Variants in IQCM observed in about 807,000 individuals in gnomAD.
The protein encoded by IQCM is IQ domain-containing protein M.
IQCM carries 45 observed loss-of-function variants against 57.6 expected under a neutral mutation model. That is an observed-to-expected ratio of 0.78 (90% CI 0.62 to 1.00). The LOEUF (loss-of-function observed/expected upper bound fraction) is 1.00. IQCM is among the 50% of genes least tolerant of loss of function. The probability of loss-of-function intolerance (pLI) is 0.00; values close to 1 mark genes in which losing one functional copy is unlikely to be tolerated. For synonymous variants in IQCM, 148 were observed against 158.9 expected, an observed-to-expected ratio of 0.93 and a Z score of 0.51; for missense variants, 468 against 511.6, an observed-to-expected ratio of 0.91 and a Z score of 0.82.
chr4:149,405,091 G>A (rs948278470), intron 13 of IQCM, among the ~76,000 whole-genome samples: 1 of 151,710 alleles, frequency 6.6e-6, no homozygotes. Context: ...TCTCCTGTCT[G>A]GTAAATTTTC....
chr4:149,579,525 C>G (rs577084872), intron 9 of IQCM, among the ~76,000 whole-genome samples: 1 of 151,842 alleles, frequency 6.6e-6, no homozygotes, highest in Non-Finnish European at 1.5e-5. Context: ...TCTGATGCCT[C>G]GTGACTAATG....
chr4:149,499,058 G>A (rs1330595894), intron 12 of IQCM, among the ~76,000 whole-genome samples: 2 of 152,136 alleles, frequency 1.3e-5, no homozygotes, highest in Non-Finnish European at 2.9e-5. Context: ...ATATTTGAGT[G>A]TTTACAAGTG....
intron 2 of IQCM, among the ~76,000 whole-genome samples, chr4:149,768,180 T>C (rs1301166306): frequency 6.6e-6 from 1 of 152,142 alleles, no homozygotes; most frequent in Admixed American, 6.6e-5. Flanking sequence ...TATAAAAACA[T>C]GAAGCGATGG....
chr4:149,780,273 C>A (rs1388891244), intron 2 of IQCM: 5 of 152,066 alleles, frequency 3.3e-5, no homozygotes, highest in Non-Finnish European at 7.4e-5. Flanking sequence ...ACATTTGACC[C>A]TGGAACACAT....
At chr4:149,524,504 G>A (rs982191938) in intron 12 of IQCM, among the ~76,000 whole-genome samples, 1 of 151,882 alleles carries the variant, frequency 6.6e-6, no homozygotes, top group African/African-American at 2.4e-5. Flanking sequence ...AGTGAAAAAT[G>A]AATACTTCAC....
At chr4:149,442,244 G>T (rs1736015204) in intron 12 of IQCM, among the ~76,000 whole-genome samples, 1 of 152,010 alleles carries the variant, frequency 6.6e-6, no homozygotes, top group South Asian at 2.1e-4. Context: ...CCATATCTCA[G>T]TTGTCCCTCT....
intron 3 of IQCM, among the ~76,000 whole-genome samples, chr4:149,740,468 G>A (rs995904216): frequency 1.3e-5 from 2 of 152,116 alleles, no homozygotes; most frequent in African/African-American, 4.8e-5. Context: ...CACTGTGATA[G>A]AAGCCAACAT....
chr4:149,570,752 T>C (rs933695964), intron 9 of IQCM, among the ~76,000 whole-genome samples: 1 of 152,084 alleles, frequency 6.6e-6, no homozygotes, highest in Non-Finnish European at 1.5e-5. Context: ...AATCCATTCC[T>C]TATTCCACAT....
chr4:149,504,647 T>A (rs1743600251), intron 12 of IQCM, among the ~76,000 whole-genome samples: 1 of 152,104 alleles, frequency 6.6e-6, no homozygotes, highest in African/African-American at 2.4e-5. Flanking sequence ...GGTGCAGTGG[T>A]TCACGTCTGC....
At chr4:149,399,987 A>G (rs1732500003) in intron 13 of IQCM, among the ~76,000 whole-genome samples, 1 of 151,916 alleles carries the variant, frequency 6.6e-6, no homozygotes, top group Non-Finnish European at 1.5e-5. Context: ...CACAACAAAT[A>G]TTTCATAATT....
intron 13 of IQCM, among the ~76,000 whole-genome samples, chr4:149,381,920 A>ATG (rs1731107507): frequency 6.6e-6 from 1 of 151,894 alleles, no homozygotes; most frequent in Admixed American, 6.6e-5. Context: ...GATTACAGAT[A>ATG]TGTGCCACCA....
chr4:149,676,716 T>C (rs1761779318), intron 7 of IQCM, among the ~76,000 whole-genome samples: 2 of 152,050 alleles, frequency 1.3e-5, no homozygotes, highest in South Asian at 2.1e-4. Flanking sequence ...AGGAAATAGA[T>C]AGATAATTTT....
At chr4:149,474,129 AAAAT>A (rs1433342488) in intron 12 of IQCM, among the ~76,000 whole-genome samples, 4 of 152,148 alleles carry the variant, frequency 2.6e-5, no homozygotes, top group East Asian at 1.9e-4. Context: ...TATAATAATA[AAAAT>A]AAATAAATAA....
intron 5 of IQCM, among the ~76,000 whole-genome samples, chr4:149,688,742 G>A (rs1217379997): frequency 6.6e-6 from 1 of 152,016 alleles, no homozygotes; most frequent in Non-Finnish European, 1.5e-5. Flanking sequence ...CATGGTACTG[G>A]TATAAAAATA....
At chr4:149,589,123 G>T (rs1240519909) in intron 8 of IQCM, among the ~76,000 whole-genome samples, 1 of 151,938 alleles carries the variant, frequency 6.6e-6, no homozygotes, top group Non-Finnish European at 1.5e-5. Context: ...CTGATGGCTT[G>T]CATATCTACT....
At position 149,631,944 on chromosome 4, in the gene IQCM, C is replaced by A. The variant is rs139030081; in HGVS notation, c.566-10700G>T. On this transcript the variant is annotated intron_variant, in intron 7 of 13. Transcript: ENST00000636793. ...GATATAAGTGATTAAGCACATTGGACATTTTGGCTCAAACTCTACCCAGTT... is the reference window on the plus strand; with the variant it reads ...GATATAAGTGATTAAGCACATTGGAAATTTTGGCTCAAACTCTACCCAGTT... Among the ~76,000 whole-genome samples the A allele has an allele frequency of 2.6e-3, 393 of 152,306 alleles. 2 individuals carry two copies. Among genetic ancestry groups the A allele is most frequent in the African/African-American group, 9.0e-3 (375 of 41,566 alleles).
chr4:149,543,986 G>C (rs1329375436), intron 12 of IQCM, among the ~76,000 whole-genome samples: 1 of 152,050 alleles, frequency 6.6e-6, no homozygotes, highest in Non-Finnish European at 1.5e-5. Flanking sequence ...CATAGGTAAA[G>C]AATTGTTTAA....
intron 7 of IQCM, among the ~76,000 whole-genome samples, chr4:149,658,454 A>G (rs1759835241): frequency 6.6e-6 from 1 of 151,916 alleles, no homozygotes; most frequent in Non-Finnish European, 1.5e-5. Context: ...CAAGCTTTGT[A>G]CCTTTTACTC....
intron 13 of IQCM, among the ~76,000 whole-genome samples, chr4:149,390,680 A>T (rs955349759): frequency 3.3e-5 from 5 of 151,932 alleles, no homozygotes; most frequent in African/African-American, 1.2e-4. Context: ...TGAGATAATC[A>T]TGTGGTTTTT....
Sources: allele counts gnomAD v4.1 joint callset (sites outside exome capture counted in the v4.1 genomes callset), GRCh38; gene constraint gnomAD v4.1.1; transcripts MANE v1.5; gene names NCBI Gene and HGNC (gene_info 2026-07-23, HGNC 2026-07-21).